Variants in LCP1 observed in about 807,000 individuals in gnomAD.
LCP1 encodes the protein lymphocyte cytosolic protein 1.
In LCP1, 23 loss-of-function variants were observed where a neutral mutation model predicts 72.0. The ratio of observed to expected loss-of-function variants is 0.32; its 90% confidence interval spans 0.23 to 0.45. LCP1 has a LOEUF of 0.45. LCP1 is among the 20% of genes least tolerant of loss of function. The pLI, the probability that LCP1 is intolerant of heterozygous loss-of-function variation, is 1.00. For missense variants in LCP1, 571 were observed against 748.3 expected (o/e 0.76, Z 2.76); for synonymous variants, 245 against 275.4 (o/e 0.89, Z 1.09).
intron 13 of LCP1, 65 bp downstream of exon 13, chr13:46,142,226 AT>A (rs1245147953): frequency 5.9e-6 from 9 of 1,524,338 alleles, no homozygotes; most frequent in African/African-American, 2.7e-5. Context: ...ACTGCTAAAA[AT>A]TTGCTAATAT....
chr13:46,174,314 A>ATTT (rs1385128329), intron 1 of LCP1, among the ~76,000 whole-genome samples: 1 of 145,722 alleles, frequency 6.9e-6, no homozygotes, highest in African/African-American at 2.5e-5. Context: ...ATTTTTTTTA[A>ATTT]AAGTTACAGT....
rs2045735872 is a variant in LCP1 at position 46,147,092 on chromosome 13, G to A, written c.990C>T (p.Asp330=). The A allele has an allele frequency of 1.3e-6, 2 of 1,590,550 alleles. No individual in the cohort carries two copies. The highest frequency in any genetic ancestry group is 1.7e-6 in the Non-Finnish European group (2 of 1,169,804). ...GCAGCATGCATTCTGCCCTCTGGAT[G>A]TCATCCTTCTCCTGCAATGCAAAAG... ...IDMSGLREKD[D]IQRAECMLQQ... Residue 330 remains aspartate (D), a synonymous_variant, in exon 10 of 16, where the codon GAC becomes GAT. Transcript: ENST00000323076.
intron 1 of LCP1, among the ~76,000 whole-genome samples, chr13:46,181,903 C>T (rs978314486): frequency 1.3e-5 from 2 of 152,058 alleles, no homozygotes; most frequent in South Asian, 2.1e-4. Flanking sequence ...AGAACCCAGC[C>T]CAGAGAGCCG....
rs767123510 is a variant in LCP1, at chr13:46,156,444, A to G, written c.485T>C (p.Val162Ala). ...DLFNAVGDGI[V>A]LCKMINLSVP... ...AGAAAGAAGTATTATTTACCAAAGG[A>G]CAATGCCATCTCCAACAGCATTAAA... is the stretch of plus-strand genomic sequence containing the variant. Residue 162 changes from valine (V) to alanine (A), a missense_variant, in exon 5 of 16, where the codon GTC (valine) becomes GCC (alanine). Val to Ala is a moderately conservative substitution (Grantham distance 64, BLOSUM62 0). Coordinates refer to ENST00000323076, the MANE Select transcript of LCP1 (RefSeq NM_002298.5). 1 of 1,613,732 alleles carries G rather than the reference A, an allele frequency of 6.2e-7. No homozygotes were observed. The highest frequency in any genetic ancestry group is 8.5e-7 in the Non-Finnish European group (1 of 1,179,830).
At chr13:46,155,720 G>A (rs886618954) in intron 5 of LCP1, among the ~76,000 whole-genome samples, 3 of 152,144 alleles carry the variant, frequency 2.0e-5, no homozygotes, top group African/African-American at 4.8e-5. Flanking sequence ...AAGACACCAC[G>A]TTGCATTGAG....
chr13:46,144,308 A>C (rs934260172), intron 11 of LCP1, 134 bp downstream of exon 11: 1 of 668,384 alleles, frequency 1.5e-6, no homozygotes, highest in Non-Finnish European at 2.6e-6. Context: ...CTGAAGCTCA[A>C]CTTGGCACTT....
At chr13:46,162,444 C>G (rs541090700) in intron 1 of LCP1, among the ~76,000 whole-genome samples, 1 of 151,900 alleles carries the variant, frequency 6.6e-6, no homozygotes, top group African/African-American at 2.4e-5. Flanking sequence ...CGATTGCAGG[C>G]GCGCGCCTCC....
Position 46,127,812 on chromosome 13 carries a change from T to C in LCP1, c.1752-89A>G, listed in dbSNP as rs915739126. On this transcript the variant is annotated intron_variant, in intron 15 of 15. Coordinates refer to ENST00000323076, the MANE Select transcript of LCP1 (RefSeq NM_002298.5). ...GAGGGTCACAGTCACAGTCGTTCCA[T>C]AGTCAGGACAGAACTCACTCCTGCA... 92 of 1,492,222 alleles carry C rather than the reference T, an allele frequency of 6.2e-5. No individual in the cohort carries two copies. The Admixed American group carries it at 1.1e-3, about 18-fold the overall frequency. The allele number at this position is 1,492,222 out of a possible 1,614,324, so 92.4% of individuals were successfully genotyped here. A position where few individuals can be genotyped will look rare whatever the true frequency, so the allele number is the denominator to read the frequency against.
At chr13:46,159,142 A>T in intron 2 of LCP1, 153 bp from the exon 3 acceptor site, 1 of 682,350 alleles carries the variant, frequency 1.5e-6, no homozygotes, top group Non-Finnish European at 2.5e-6. Context: ...ATCTCACAAG[A>T]TGACTGTTGC....
chr13:46,155,335 A>C (rs9595423), intron 5 of LCP1, among the ~76,000 whole-genome samples: 2,922 of 152,300 alleles, frequency 0.019, 83 homozygotes, highest in African/African-American at 0.064. Context: ...AGCTAATCAT[A>C]TGATAACATT....
At chr13:46,127,880 A>C (rs531805681) in intron 15 of LCP1, among the ~76,000 whole-genome samples, 157 bp from the exon 16 acceptor site, 1 of 152,186 alleles carries the variant, frequency 6.6e-6, no homozygotes, top group Admixed American at 6.5e-5. Flanking sequence ...TTTTGTGGAC[A>C]AATTTTGGCT....
At chr13:46,150,863 A>T in intron 8 of LCP1, 73 bp downstream of exon 8, 1 of 1,506,268 alleles carries the variant, frequency 6.6e-7, no homozygotes, top group African/African-American at 1.4e-5. Context: ...CCAAATCTTT[A>T]TCTTTTCTTT....
At chr13:46,161,180 A>G (rs2045836085) in intron 1 of LCP1, among the ~76,000 whole-genome samples, 1 of 152,062 alleles carries the variant, frequency 6.6e-6, no homozygotes, top group Non-Finnish European at 1.5e-5. Flanking sequence ...TAAGCAAACA[A>G]ATAAAAATAA....
intron 1 of LCP1, among the ~76,000 whole-genome samples, chr13:46,174,395 A>C (rs559685084): frequency 2.0e-4 from 31 of 152,324 alleles, no homozygotes; most frequent in African/African-American, 7.2e-4. Context: ...TCAAAATTTT[A>C]AGTGCCTAAA....
At chr13:46,159,746 A>AT in intron 1 of LCP1, 60 bp from the exon 2 acceptor site, 1 of 938,718 alleles carries the variant, frequency 1.1e-6, no homozygotes. Flanking sequence ...AAAATACCAC[A>AT]TTAAGAAGCA....
intron 1 of LCP1, among the ~76,000 whole-genome samples, chr13:46,160,354 C>G (rs1285622301): frequency 6.6e-6 from 1 of 152,192 alleles, no homozygotes; most frequent in African/African-American, 2.4e-5. Flanking sequence ...TAAGTCACTA[C>G]GTTTTAGAGT....
At position 46,144,797 on chromosome 13, in the gene LCP1, G is replaced by GA. The variant is rs534798466; in HGVS notation, c.1175-278dup. 2.0e-4 allele frequency among the ~76,000 whole-genome samples: 31 copies of GA among 152,166 alleles called. No individual in the cohort carries two copies. In the South Asian group the frequency reaches 4.6e-3, roughly 22 times the overall value. ...CTCTCAAAGGCTTACCTTCTTGCTG[G>GA]AAAAAACAGGACTTTTAGGCATCAA... On this transcript the variant is annotated intron_variant, in intron 10 of 15. Coordinates refer to ENST00000323076, the MANE Select transcript of LCP1 (RefSeq NM_002298.5).
chr13:46,176,875 T>TTG (rs58990974), intron 1 of LCP1, among the ~76,000 whole-genome samples: 7,626 of 143,792 alleles, frequency 0.053, 523 homozygotes, highest in African/African-American at 0.16. Context: ...GTGTGTTTAT[T>TTG]TGTGTGTGTG....
rs780533886 is a variant in LCP1 at position 46,134,219 on chromosome 13, C to G, written c.1534G>C (p.Gly512Arg). 1.2e-5 allele frequency: 19 copies of G among 1,613,412 alleles called. No individual in the cohort carries two copies. The highest frequency in any genetic ancestry group is 3.3e-5 in the Admixed American group (2 of 59,994). ...ATGTCATCATTGACCTTCTGGCCAC[C>G]ACCAATTTCTTCGAGGATATTCAGT... is the stretch of plus-strand genomic sequence containing the variant. The part of the protein sequence containing the change: ...YTLNILEEIG[G>R]GQKVNDDIIV... Residue 512 changes from glycine to arginine, a missense_variant, in exon 14 of 16, where the codon GGT becomes CGT. Coordinates refer to ENST00000323076, the MANE Select transcript of LCP1 (RefSeq NM_002298.5).
Sources: gnomAD v4.1 joint callset for allele counts (sites outside exome capture counted in the v4.1 genomes callset) on GRCh38, gnomAD v4.1.1 for gene constraint, MANE v1.5 for transcripts, NCBI Gene and HGNC (gene_info 2026-07-23, HGNC 2026-07-21) for gene names.